The following ARPC1A variants were observed in gnomAD, a reference collection of about 807,000 sequenced individuals.
ARPC1A encodes the protein actin related protein 2/3 complex subunit 1A.
Under a neutral mutation model 46.9 loss-of-function variants are expected in ARPC1A, and 8 were observed. The ratio of observed to expected loss-of-function variants is 0.17; its 90% confidence interval spans 0.10 to 0.31. The LOEUF (loss-of-function observed/expected upper bound fraction) is 0.31. Ranked by LOEUF, ARPC1A falls within the 10% of genes least tolerant of loss-of-function variation. ARPC1A has a pLI of 1.00. For synonymous variants in ARPC1A, 152 were observed against 169.0 expected (o/e 0.90, Z 0.78); for missense variants, 286 against 483.6 (o/e 0.59, Z 3.83).
At chr7:99,348,420 T>G (rs1255386341) in intron 4 of ARPC1A, among the ~76,000 whole-genome samples, 2 of 152,150 alleles carry the variant, frequency 1.3e-5, no homozygotes, top group Non-Finnish European at 2.9e-5. Context: ...GCAATGCACC[T>G]TGTCAGCTGG....
Position 99,344,232 on chromosome 7 carries a change from C to T in ARPC1A, c.170-61C>T, listed in dbSNP as rs1258363079. 4 of 1,537,336 alleles carry T rather than the reference C, an allele frequency of 2.6e-6. No individual in the cohort carries two copies. In the East Asian group the frequency reaches 6.8e-5, roughly 26 times the overall value. Reference sequence around the variant, plus strand: ...CTGGCATGCCAGTGCCACCCACCTGCCTGTGCCGCAGTTGTTTGTCATTGA... The same window carrying T: ...CTGGCATGCCAGTGCCACCCACCTGTCTGTGCCGCAGTTGTTTGTCATTGA... On this transcript the variant is annotated intron_variant, in intron 3 of 9. Coordinates refer to ENST00000262942, the MANE Select transcript of ARPC1A (RefSeq NM_006409.4).
chr7:99,329,118 G>A (rs1404615449), intron 1 of ARPC1A, among the ~76,000 whole-genome samples: 1 of 151,976 alleles, frequency 6.6e-6, no homozygotes, highest in Non-Finnish European at 1.5e-5. Context: ...GGCTAACACG[G>A]TGAAACCCCA....
chr7:99,351,031 A>G (rs1793536217), intron 5 of ARPC1A, among the ~76,000 whole-genome samples: 1 of 152,060 alleles, frequency 6.6e-6, no homozygotes, highest in Admixed American at 6.6e-5. Context: ...AAGCTTAAAA[A>G]AAAAAGAGAG....
At chr7:99,337,146 G>T (rs1207744283) in intron 2 of ARPC1A, among the ~76,000 whole-genome samples, 1 of 152,138 alleles carries the variant, frequency 6.6e-6, no homozygotes, top group Non-Finnish European at 1.5e-5. Context: ...ATCCAGCTGA[G>T]CCTGGTGGCT....
chr7:99,337,417 A>G (rs1258345044), intron 2 of ARPC1A, among the ~76,000 whole-genome samples: 2 of 152,088 alleles, frequency 1.3e-5, no homozygotes, highest in African/African-American at 4.8e-5. Flanking sequence ...GCAAAACACT[A>G]TCTCAAAAAA....
intron 1 of ARPC1A, among the ~76,000 whole-genome samples, chr7:99,330,294 G>A (rs1480885339): frequency 1.3e-5 from 2 of 151,710 alleles, no homozygotes; most frequent in South Asian, 2.1e-4. Flanking sequence ...TTACCTTTGG[G>A]TTCCCCCCCC....
In ARPC1A at chr7:99,329,028, C is replaced by T. The variant is rs144763923; in HGVS notation, c.-30+3024C>T. On this transcript the variant is annotated intron_variant, in intron 1 of 9. Coordinates refer to ENST00000262942, the MANE Select transcript of ARPC1A (RefSeq NM_006409.4). The stretch of plus-strand genomic sequence containing the variant: ...AAGAAAAGGGATGAGGGGCAGGGCG[C>T]GGTGGCTCACGCCTGTAATCCCAGC... 9.5e-3 allele frequency among the ~76,000 whole-genome samples: 1,449 copies of T among 151,812 alleles called. 18 individuals are homozygous for T. Among genetic ancestry groups the T allele is most frequent in the African/African-American group, 0.033 (1,376 of 41,410 alleles).
chr7:99,331,213 G>T (rs968753608), intron 1 of ARPC1A, among the ~76,000 whole-genome samples: 2 of 152,058 alleles, frequency 1.3e-5, no homozygotes, highest in African/African-American at 4.8e-5. Flanking sequence ...AGAGCAGCCT[G>T]GGCAACATGG....
intron 5 of ARPC1A, 38 bp downstream of exon 5, chr7:99,348,997 A>G: frequency 2.0e-6 from 3 of 1,525,052 alleles, no homozygotes; most frequent in East Asian, 2.3e-5. Context: ...TGAGCCGTGC[A>G]TTCTTCATCC....
chr7:99,333,402 A>G lies in ARPC1A; in HGVS notation c.49A>G (p.Asn17Asp). The G allele has an allele frequency of 6.2e-7, 1 of 1,613,556 alleles. No homozygotes were observed. Among genetic ancestry groups the G allele is most frequent in the African/African-American group, 1.3e-5 (1 of 75,012 alleles). ...LLEPITCHAWNRDRTQIALSP... is the reference protein window; with the variant it reads ...LLEPITCHAWDRDRTQIALSP... ...AGAGCCAATCACCTGTCATGCCTGGAACAGGGATCGTACTCGTAAGTATTT... is the reference window on the plus strand; with the variant it reads ...AGAGCCAATCACCTGTCATGCCTGGGACAGGGATCGTACTCGTAAGTATTT... The change falls in exon 2 of 10, where the codon AAC becomes GAC. Residue 17 changes from asparagine (N) to aspartate (D), a missense_variant. Around this residue, in one of 5 missense-constraint regions of ARPC1A, gnomAD observed 55 missense variants for 59.4 expected, o/e 0.93. Transcript: ENST00000262942.
intron 6 of ARPC1A, among the ~76,000 whole-genome samples, chr7:99,356,438 C>T (rs898839164): frequency 6.6e-6 from 1 of 151,320 alleles, no homozygotes. Context: ...AACCCCGCCT[C>T]TACTAAAAGT....
intron 2 of ARPC1A, among the ~76,000 whole-genome samples, chr7:99,334,715 T>C (rs1793209842): frequency 1.3e-5 from 2 of 152,204 alleles, no homozygotes; most frequent in African/African-American, 4.8e-5. Flanking sequence ...AGAGTCTTGC[T>C]CTGTCATCCA....
Position 99,365,989 on chromosome 7 carries a change from G to A in ARPC1A, c.*60G>A. ...CTGTGGCCGACCGCAGCTGTGCCGTGGCACGATGGCGAGGAAGCCAGCCCC... is the reference window on the plus strand; with the variant it reads ...CTGTGGCCGACCGCAGCTGTGCCGTAGCACGATGGCGAGGAAGCCAGCCCC... On this transcript the variant is annotated 3_prime_UTR_variant, in exon 10 of 10. Coordinates refer to ENST00000262942, the MANE Select transcript of ARPC1A (RefSeq NM_006409.4). 1.3e-6 allele frequency: 2 copies of A among 1,528,594 alleles called. No homozygotes were observed. The highest frequency in any genetic ancestry group is 1.8e-6 in the Non-Finnish European group (2 of 1,127,014). The allele number at this position is 1,528,594 out of a possible 1,614,324, so 94.7% of individuals were successfully genotyped here.
At chr7:99,332,685 G>A (rs1793165120) in intron 1 of ARPC1A, among the ~76,000 whole-genome samples, 1 of 144,980 alleles carries the variant, frequency 6.9e-6, no homozygotes, top group Admixed American at 7.0e-5. Flanking sequence ...CTCACTGCAA[G>A]CTCCACCTCC....
intron 5 of ARPC1A, among the ~76,000 whole-genome samples, chr7:99,352,811 A>C (rs978870773): frequency 1.3e-5 from 2 of 150,766 alleles, no homozygotes; most frequent in Non-Finnish European, 3.0e-5. Flanking sequence ...CTAAAAATAC[A>C]AAATTAGCCA....
chr7:99,330,032 G>A (rs1370579396), intron 1 of ARPC1A, among the ~76,000 whole-genome samples: 1 of 151,794 alleles, frequency 6.6e-6, no homozygotes, highest in African/African-American at 2.4e-5. Flanking sequence ...GATAAAGAGA[G>A]AAGCATGCAG....
chr7:99,335,456 C>T (rs1384772328), intron 2 of ARPC1A: 1 of 431,306 alleles, frequency 2.3e-6, no homozygotes, highest in Middle Eastern at 3.4e-4. Context: ...ATTTCAGGAC[C>T]AGTCTGTCTT....
chr7:99,353,272 C>T (rs1281332282), intron 5 of ARPC1A, among the ~76,000 whole-genome samples: 5 of 150,494 alleles, frequency 3.3e-5, no homozygotes, highest in Middle Eastern at 6.9e-3. Flanking sequence ...CATTCTCTTG[C>T]CTCAGCCTCC....
At chr7:99,359,480 C>A in intron 7 of ARPC1A, 65 bp from the exon 8 acceptor site, 7 of 1,463,406 alleles carry the variant, frequency 4.8e-6, no homozygotes, top group East Asian at 2.3e-5. Flanking sequence ...TCGTGGTGAA[C>A]ACTCTGCCAA....
Sources: gnomAD v4.1 joint callset for allele counts (sites outside exome capture counted in the v4.1 genomes callset) on GRCh38, gnomAD v4.1.1 for gene constraint, gnomAD v4.1.1 regional missense constraint, MANE v1.5 for transcripts, NCBI Gene and HGNC (gene_info 2026-07-23, HGNC 2026-07-21) for gene names.